The following IDO2 variants were observed in gnomAD, a reference collection of about 807,000 sequenced individuals.
The protein encoded by IDO2 is indoleamine 2,3-dioxygenase 2.
A neutral mutation model predicts 45.1 loss-of-function variants in IDO2; 46 were observed. The observed-to-expected ratio is 1.02, with a 90% confidence interval of 0.80 to 1.30. The LOEUF (loss-of-function observed/expected upper bound fraction) is 1.30. IDO2 is among the 50% of genes most tolerant of loss of function. The probability of loss-of-function intolerance (pLI) is 0.00; values close to 1 mark genes in which losing one functional copy is unlikely to be tolerated. For missense variants in IDO2, 544 were observed against 491.8 expected, an observed-to-expected ratio of 1.11 and a Z score of -1.00; for synonymous variants, 218 against 184.9, an observed-to-expected ratio of 1.18 and a Z score of -1.45.
At chr8:39,956,171 G>A (rs535153200) in intron 2 of IDO2, among the ~76,000 whole-genome samples, 77 of 151,250 alleles carry the variant, frequency 5.1e-4, no homozygotes, top group African/African-American at 1.8e-3. Context: ...AGAGTCTCTC[G>A]ACTCAGCCTC....
At chr8:39,989,583 G>A (rs1808471258) in intron 7 of IDO2, 138 bp from the exon 8 acceptor site, 1 of 601,994 alleles carries the variant, frequency 1.7e-6, no homozygotes, top group Non-Finnish European at 2.9e-6. Flanking sequence ...CCCCACAGTG[G>A]ATCTAGCTTA....
chr8:39,958,855 A>G (rs1344702330), intron 2 of IDO2, among the ~76,000 whole-genome samples: 1 of 152,210 alleles, frequency 6.6e-6, no homozygotes, highest in Non-Finnish European at 1.5e-5. Context: ...CAAAGAGTTT[A>G]GTGTTCATAT....
intron 9 of IDO2, among the ~76,000 whole-genome samples, chr8:40,009,040 G>C (rs1038590646): frequency 3.3e-5 from 5 of 151,084 alleles, no homozygotes; most frequent in African/African-American, 1.2e-4. Flanking sequence ...TTTAGATGGA[G>C]GTCTCGCTTT....
At chr8:39,942,621 C>T (rs1442011887) in intron 1 of IDO2, among the ~76,000 whole-genome samples, 1 of 124,264 alleles carries the variant, frequency 8.0e-6, no homozygotes, top group Non-Finnish European at 1.7e-5. Context: ...GCCTGGGTGA[C>T]AGAATGAGAC....
chr8:39,964,993 A>C (rs1335226819), intron 3 of IDO2, among the ~76,000 whole-genome samples: 1 of 152,228 alleles, frequency 6.6e-6, no homozygotes, highest in African/African-American at 2.4e-5. Context: ...AGTTGGCAAG[A>C]GGGCAGGTTA....
chr8:39,995,177 T>TTCCTCCTTCTCCTTC (rs760660808), intron 8 of IDO2: 1 of 128,928 alleles, frequency 7.8e-6, no homozygotes, highest in Non-Finnish European at 1.6e-5. Flanking sequence ...CCTCCTCTTC[T>TTCCTCCTTCTCCTTC]TCCTTCTTCT....
At chr8:39,958,048 G>A (rs1304019168) in intron 2 of IDO2, among the ~76,000 whole-genome samples, 1 of 150,900 alleles carries the variant, frequency 6.6e-6, no homozygotes, top group East Asian at 2.0e-4. Flanking sequence ...TGGGATTACA[G>A]GGACCCGCCA....
intron 2 of IDO2, among the ~76,000 whole-genome samples, chr8:39,953,620 T>G (rs547963362): frequency 6.6e-6 from 1 of 152,338 alleles, no homozygotes; most frequent in Non-Finnish European, 1.5e-5. Flanking sequence ...TAGAGTGCAG[T>G]GACGCCATCT....
exon 3 of IDO2, chr8:39,963,641 G>A (rs1273301377): frequency 6.2e-7 from 1 of 1,612,032 alleles, no homozygotes; most frequent in Non-Finnish European, 8.5e-7. Context: ...GCCTTGGATG[G>A]AAATTGCCAA....
chr8:39,989,758 A>C (rs142928998), exon 8 of IDO2: 1 of 1,602,776 alleles, frequency 6.2e-7, no homozygotes, highest in Non-Finnish European at 8.5e-7. Flanking sequence ...TTGCAGCCCA[A>C]CCAGGAGGCC....
chr8:39,973,651 C>G (rs1243122689), intron 3 of IDO2, among the ~76,000 whole-genome samples: 2 of 152,000 alleles, frequency 1.3e-5, no homozygotes, highest in Non-Finnish European at 2.9e-5. Flanking sequence ...AATGATACAG[C>G]TAAACTCCAT....
intron 3 of IDO2, among the ~76,000 whole-genome samples, chr8:39,978,275 A>G (rs2129594332): frequency 6.6e-6 from 1 of 152,152 alleles, no homozygotes; most frequent in East Asian, 1.9e-4. Flanking sequence ...GGCGCTTCGG[A>G]CCCGGGAGGG....
At chr8:39,954,002 T>C (rs1180359527) in intron 2 of IDO2, among the ~76,000 whole-genome samples, 3 of 152,254 alleles carry the variant, frequency 2.0e-5, no homozygotes, top group Non-Finnish European at 4.4e-5. Context: ...TCTCTCTCTC[T>C]AGTTTCAACT....
intron 8 of IDO2, among the ~76,000 whole-genome samples, chr8:39,992,245 T>A (rs1384216063): frequency 6.6e-6 from 1 of 152,206 alleles, no homozygotes; most frequent in Non-Finnish European, 1.5e-5. Flanking sequence ...GAAGAGGTGA[T>A]GCAGGTTTAA....
chr8:39,947,746 G>A (rs1807759624), intron 1 of IDO2, among the ~76,000 whole-genome samples: 1 of 151,680 alleles, frequency 6.6e-6, no homozygotes, highest in African/African-American at 2.4e-5. Flanking sequence ...AAGTAAAAAT[G>A]GCCTTACTAA....
intron 3 of IDO2, 103 bp downstream of exon 3, chr8:39,963,806 ATTACC>A: frequency 1.5e-6 from 1 of 674,336 alleles, no homozygotes; most frequent in Non-Finnish European, 2.5e-6. Context: ...GAAACTGTTC[ATTACC>A]ATTGAACTTA....
chr8:39,959,149 G>T (rs1023712610), intron 2 of IDO2, among the ~76,000 whole-genome samples: 1 of 147,728 alleles, frequency 6.8e-6, no homozygotes. Flanking sequence ...TCGCTCTGTC[G>T]CCCAGGCTGG....
intron 8 of IDO2, among the ~76,000 whole-genome samples, chr8:39,995,873 G>A (rs138024399): frequency 0.029 from 4,366 of 152,242 alleles, 200 homozygotes; most frequent in African/African-American, 0.097. Flanking sequence ...CCTTGGTCTA[G>A]CGGTAACGCC....
chr8:39,988,796 GCTTT>G lies in IDO2; in HGVS notation c.549+833_549+836del, dbSNP rs372094935. Reference sequence around the variant, plus strand: ...TGACCCATTTCTGCTATATTATAGCGCTTTCTTTCTCTCTCAGTAGTTAAACTCC... The same window carrying G: ...TGACCCATTTCTGCTATATTATAGCGCTTTCTCTCTCAGTAGTTAAACTCC... On this transcript the variant is annotated intron_variant, in intron 7 of 10. Coordinates refer to ENST00000502986, the Ensembl canonical transcript of IDO2. Among the ~76,000 whole-genome samples the G allele has an allele frequency of 1.8e-4, 28 of 152,162 alleles. No individual in the cohort carries two copies. In the East Asian group the frequency reaches 4.1e-3, roughly 22 times the overall value.
Sources: gnomAD v4.1 joint callset for allele counts (sites outside exome capture counted in the v4.1 genomes callset) on GRCh38, gnomAD v4.1.1 for gene constraint, MANE v1.5 for transcripts, NCBI Gene and HGNC (gene_info 2026-07-23, HGNC 2026-07-21) for gene names.